Variants in NBEAL2 observed in about 807,000 individuals in gnomAD.
The protein encoded by NBEAL2 is neurobeachin like 2, also known as neurobeachin-like protein 2.
NBEAL2 carries 160 observed loss-of-function variants against 299.8 expected under a neutral mutation model. The ratio of observed to expected loss-of-function variants is 0.53; its 90% CI spans 0.47 to 0.61. NBEAL2 has a LOEUF of 0.61. NBEAL2 is among the 20% of genes least tolerant of loss of function. NBEAL2 has a pLI of 0.00. For synonymous variants in NBEAL2, 1,493 were observed against 1,542.3 expected (o/e 0.97, Z 0.75); for missense variants, 3,112 against 3,649.0 (o/e 0.85, Z 3.79).
At position 47,003,975 on chromosome 3, in the gene NBEAL2, G is replaced by A. The variant is rs570043751; in HGVS notation, c.5880G>A (p.Glu1960=). 4 of 1,613,018 alleles carry A rather than the reference G, an allele frequency of 2.5e-6. No individual in the cohort carries two copies. The Admixed American group carries it at 6.7e-5, about 27-fold the overall frequency. ...GCACTGAGCGCGTGGAAACCGAGGA[G>A]GGTGCGTCCTGGTGGTGTGGTTTAG... The part of the protein sequence containing the change: ...DGSTERVETE[E]GIGYDFRRPL... Residue 1960 remains glutamate (E), a splice_region_variant and synonymous_variant, in exon 36 of 54, where the codon GAG becomes GAA. Coordinates refer to ENST00000450053, the MANE Select transcript of NBEAL2 (RefSeq NM_015175.3). The surrounding 1 kb of genome is among the most constrained non-coding windows in gnomAD (Gnocchi z 7.0).
At chr3:46,986,108 C>T (rs1002202018) in intron 1 of NBEAL2, among the ~76,000 whole-genome samples, 7 of 152,148 alleles carry the variant, frequency 4.6e-5, no homozygotes, top group Admixed American at 1.3e-4. Context: ...CCCACCCCTG[C>T]CTAATACTGT....
rs773228079 is a variant in NBEAL2 at position 47,005,486 on chromosome 3, C to T, written c.6561-3C>T. ...TCACCTTGGCCCCGTGCCCCTCCCC[C>T]AGCTTTGACTGCTCCGACCGGCAGT... On this transcript the variant is annotated splice_region_variant and splice_polypyrimidine_tract_variant and intron_variant, in intron 40 of 53. Transcript: ENST00000450053. The T allele has an allele frequency of 1.2e-6, 2 of 1,610,870 alleles. No homozygotes were observed. Among genetic ancestry groups the T allele is most frequent in the African/African-American group, 1.3e-5 (1 of 74,832 alleles).
At chr3:46,995,898 C>T (rs578213526) in intron 14 of NBEAL2, 34 bp from the exon 15 acceptor site, 4 of 1,613,056 alleles carry the variant, frequency 2.5e-6, no homozygotes, top group East Asian at 2.2e-5. Flanking sequence ...GTGCTGAGTC[C>T]CAAGTATGGC....
At chr3:46,994,926 G>A (rs1018246016) in intron 12 of NBEAL2, 106 bp from the exon 13 acceptor site, 35 of 1,430,120 alleles carry the variant, frequency 2.4e-5, no homozygotes, top group Non-Finnish European at 3.2e-5. Flanking sequence ...GGATGGAGTA[G>A]ATCATGTTGC....
chr3:47,002,860 C>G, intron 33 of NBEAL2, 58 bp downstream of exon 33: 1 of 1,554,476 alleles, frequency 6.4e-7, no homozygotes, highest in Non-Finnish European at 8.7e-7. Context: ...AGGGAGGGAG[C>G]CACCTGGAGC....
chr3:47,002,257 C>T lies in NBEAL2; in HGVS notation c.5120C>T (p.Thr1707Ile). 1.9e-6 allele frequency: 3 copies of T among 1,556,976 alleles called. No homozygotes were observed. The highest frequency in any genetic ancestry group is 2.6e-6 in the Non-Finnish European group (3 of 1,149,906). ...FFEDFQAFCA[T>I]PEWRHFIDKQ... ...GAAGACTTCCAGGCTTTTTGTGCCA[C>T]ACCCGAATGGCGCCACTTCATCGAC... is the stretch of plus-strand genomic sequence containing the variant. Residue 1707 changes from threonine to isoleucine, a missense_variant, in exon 31 of 54, where the codon ACA becomes ATA. Thr to Ile is a moderately conservative substitution (Grantham distance 89). Transcript: ENST00000450053.
In NBEAL2 at chr3:46,991,259, G is replaced by C. The variant is rs199694703; in HGVS notation, c.597G>C (p.Leu199=). ...CAGACCACTTGCCTCCCATACTGCT[G>C]TTACGTCTCATCCACCTCTTCTGCG... ...QNADHLPPIL[L]LRLIHLFCAV... The change falls in exon 7 of 54, where the codon CTG becomes CTC. Residue 199 remains leucine, a synonymous_variant. Transcript: ENST00000450053. This position sits in a 1 kb window ranked among gnomAD's most constrained non-coding sequence, Gnocchi z 6.2. 6.2e-7 allele frequency: 1 copy of C among 1,608,406 alleles called. No individual in the cohort carries two copies. Among genetic ancestry groups the C allele is most frequent in the Non-Finnish European group, 8.5e-7 (1 of 1,177,290 alleles).
In NBEAL2 at chr3:46,991,577, G is replaced by C; in HGVS notation, c.814G>C (p.Glu272Gln). ...HASRAPPRGP[E>Q]LRALLESYFH... is the part of the protein sequence containing the mutation. The stretch of plus-strand genomic sequence containing the variant: ...CAGCCGCGCACCTCCTCGTGGCCCA[G>C]AGCTTCGTGCCCTGCTTGAGAGCTA... The change falls in exon 8 of 54, where the codon GAG becomes CAG. Residue 272 changes from glutamate (E) to glutamine (Q), a missense_variant. Transcript: ENST00000450053. This position sits in a 1 kb window ranked among gnomAD's most constrained non-coding sequence, Gnocchi z 6.2. 1 of 1,602,716 alleles carries C rather than the reference G, an allele frequency of 6.2e-7. No individual in the cohort carries two copies.
chr3:47,000,131 C>T lies in NBEAL2; in HGVS notation c.4032C>T (p.Gly1344=), dbSNP rs773941129. The T allele has an allele frequency of 1.2e-6, 2 of 1,613,666 alleles. No homozygotes were observed. Among genetic ancestry groups the T allele is most frequent in the Admixed American group, 1.7e-5 (1 of 60,006 alleles). Residue 1344 remains glycine (G), a synonymous_variant, in exon 27 of 54, where the codon GGC becomes GGT. Coordinates refer to ENST00000450053, the MANE Select transcript of NBEAL2 (RefSeq NM_015175.3). This position sits in a 1 kb window ranked among gnomAD's most constrained non-coding sequence, Gnocchi z 4.5. ...PSEAPCPDPD[G]FYHALSPFCT... ...AGGCCCCCTGCCCTGACCCTGATGG[C>T]TTTTACCATGCTCTCTCCCCATTCT...
rs762951055 is a variant in NBEAL2, at chr3:47,005,798, C to T, written c.6752C>T (p.Pro2251Leu). 5.0e-6 allele frequency: 8 copies of T among 1,613,268 alleles called. No homozygotes were observed. In the Admixed American group the frequency reaches 8.3e-5, roughly 17 times the overall value. ...AAGGTAGGCGATGTGGTGCTACCCC[C>T]GTGGGCCAGCTCTCCTGAGGACTTC... Reference protein sequence around the residue: ...NEKVGDVVLPPWASSPEDFIQ... With the variant: ...NEKVGDVVLPLWASSPEDFIQ... The change falls in exon 42 of 54, where the codon CCG becomes CTG. Residue 2251 changes from proline (P) to leucine (L), a missense_variant. Pro to Leu is a moderately conservative substitution (Grantham distance 98). This residue lies in a region of NBEAL2 where 521 missense variants were observed against 729.6 expected (regional missense o/e 0.71). Transcript: ENST00000450053.
chr3:46,985,826 C>CA, intron 1 of NBEAL2, among the ~76,000 whole-genome samples: 1 of 152,320 alleles, frequency 6.6e-6, no homozygotes, highest in Admixed American at 6.5e-5. Context: ...TGTTCCTGCT[C>CA]AGAGCTGGCA....
At position 47,009,580 on chromosome 3, in the gene NBEAL2, G is replaced by A; in HGVS notation, c.*260G>A. On this transcript the variant is annotated 3_prime_UTR_variant, in exon 54 of 54. Coordinates refer to ENST00000450053, the MANE Select transcript of NBEAL2 (RefSeq NM_015175.3). The stretch of plus-strand genomic sequence containing the variant: ...GCAGCAGCACTTTTTGCACAGTCTG[G>A]GGCGGGGTTCCCCGGCTTCCAAGTC... 3 of 499,396 alleles carry A rather than the reference G, an allele frequency of 6.0e-6. No homozygotes were observed. Among genetic ancestry groups the A allele is most frequent in the Middle Eastern group, 1.1e-3 (2 of 1,890 alleles). The allele number at this position is 499,396 out of a possible 1,614,324, so 30.9% of individuals were successfully genotyped here. A position where few individuals can be genotyped will look rare whatever the true frequency, so the allele number is the denominator to read the frequency against.
In NBEAL2 at chr3:46,991,684, G is replaced by A; in HGVS notation, c.921G>A (p.Met307Ile). 1 of 1,595,486 alleles carries A rather than the reference G, an allele frequency of 6.3e-7. No homozygotes were observed. Among genetic ancestry groups the A allele is most frequent in the South Asian group, 1.1e-5 (1 of 90,254 alleles). ...CCCTTGTCACCCTCCGGGTCAGCAT[G>A]CTCGGTGGGTATGGGCTCCCAGGCT... ...EEALVTLRVS[M>I]LDAIPMMLAC... The change falls in exon 8 of 54, where the codon ATG becomes ATA. Residue 307 changes from methionine (M) to isoleucine (I), a missense_variant. Met to Ile is a conservative substitution (Grantham distance 10). This residue lies in a region of NBEAL2 where 2,243 missense variants were observed against 2,538.1 expected (regional missense o/e 0.88). Coordinates refer to ENST00000450053, the MANE Select transcript of NBEAL2 (RefSeq NM_015175.3). This position sits in a 1 kb window ranked among gnomAD's most constrained non-coding sequence, Gnocchi z 6.2.
rs369215608 is a variant in NBEAL2 at position 47,003,042 on chromosome 3, G to C, written c.5545G>C (p.Asp1849His). ...GAAGCTGGTGCCCAACCATCACTTCGACCCTCACCTGGAAGCCAGCGCTCT... is the reference window on the plus strand; with the variant it reads ...GAAGCTGGTGCCCAACCATCACTTCCACCCTCACCTGGAAGCCAGCGCTCT... ...RLKLVPNHHF[D>H]PHLEASALRD... is the part of the protein sequence containing the mutation. The change falls in exon 34 of 54, where the codon GAC (aspartate) becomes CAC (histidine). Residue 1849 changes from aspartate to histidine, a missense_variant. Coordinates refer to ENST00000450053, the MANE Select transcript of NBEAL2 (RefSeq NM_015175.3). The surrounding 1 kb of genome is among the most constrained non-coding windows in gnomAD (Gnocchi z 7.0). 1 of 1,612,864 alleles carries C rather than the reference G, an allele frequency of 6.2e-7. No homozygotes were observed. The highest frequency in any genetic ancestry group is 1.3e-5 in the African/African-American group (1 of 75,008).
At chr3:46,980,074 G>T (rs2035209332) in intron 1 of NBEAL2, among the ~76,000 whole-genome samples, 162 bp downstream of exon 1, 1 of 151,852 alleles carries the variant, frequency 6.6e-6, no homozygotes, top group African/African-American at 2.4e-5. Context: ...ACACGTGTGT[G>T]CCCCCAGCCC....
chr3:46,997,792 C>A, intron 20 of NBEAL2, 98 bp downstream of exon 20: 1 of 1,405,140 alleles, frequency 7.1e-7, no homozygotes, highest in Non-Finnish European at 9.3e-7. Flanking sequence ...GAAGAACCTC[C>A]TGGGAGAGTT....
intron 10 of NBEAL2, among the ~76,000 whole-genome samples, chr3:46,993,302 C>T (rs1042971438): frequency 1.3e-5 from 2 of 152,136 alleles, no homozygotes; most frequent in African/African-American, 2.4e-5. Context: ...ACCAAAGGCC[C>T]CATGGAGCCG....
Position 47,003,174 on chromosome 3 carries a change from G to A in NBEAL2, c.5585G>A (p.Gly1862Asp), listed in dbSNP as rs749034922. The change falls in exon 35 of 54, where the codon GGT becomes GAT. Residue 1862 changes from glycine (G) to aspartate (D), a missense_variant and splice_region_variant. Gly to Asp is a moderately conservative substitution (Grantham distance 94). Coordinates refer to ENST00000450053, the MANE Select transcript of NBEAL2 (RefSeq NM_015175.3). This position sits in a 1 kb window ranked among gnomAD's most constrained non-coding sequence, Gnocchi z 7.0. ...LEASALRDNLGEVPLTPTEEA... is the reference protein window; with the variant it reads ...LEASALRDNLDEVPLTPTEEA... ...GCTGAGTACCCTTGGCCCCTTGCAG[G>A]TGAGGTTCCCCTGACACCCACCGAG... The A allele has an allele frequency of 5.0e-6, 8 of 1,605,114 alleles. No homozygotes were observed. Among genetic ancestry groups the A allele is most frequent in the Non-Finnish European group, 6.8e-6 (8 of 1,173,900 alleles).
rs1292829713 is a variant in NBEAL2, at chr3:46,991,204, C to T, written c.557-15C>T. The T allele has an allele frequency of 1.3e-6, 2 of 1,594,334 alleles. No homozygotes were observed. The highest frequency in any genetic ancestry group is 2.3e-5 in the East Asian group (1 of 43,886). On this transcript the variant is annotated splice_polypyrimidine_tract_variant and intron_variant, in intron 6 of 53. Coordinates refer to ENST00000450053, the MANE Select transcript of NBEAL2 (RefSeq NM_015175.3). The surrounding 1 kb of genome is among the most constrained non-coding windows in gnomAD (Gnocchi z 6.2). ...AACCTTGGTGACATTACCCTGCCCA[C>T]ACCCCCCTACCCAGAGAGCCTACAG... is the stretch of plus-strand genomic sequence containing the variant.
Sources: allele counts gnomAD v4.1 joint callset (sites outside exome capture counted in the v4.1 genomes callset), GRCh38; gene constraint gnomAD v4.1.1; regional missense constraint gnomAD v4.1.1; non-coding constraint Gnocchi (gnomAD v3.1); transcripts MANE v1.5; gene names NCBI Gene and HGNC (gene_info 2026-07-23, HGNC 2026-07-21).